Variants in MARCHF11 observed in about 807,000 individuals in gnomAD.
MARCHF11 encodes membrane associated ring-CH-type finger 11, also known as E3 ubiquitin-protein ligase MARCHF11.
In MARCHF11, 29 loss-of-function variants were observed where a neutral mutation model predicts 37.3. The observed-to-expected ratio is 0.78, with a 90% confidence interval of 0.58 to 1.06. The LOEUF (loss-of-function observed/expected upper bound fraction) is 1.06. Ranked by LOEUF, MARCHF11 falls within the 50% of genes least tolerant of loss-of-function variation. The pLI is 0.00. For synonymous variants in MARCHF11, 233 were observed against 228.0 expected, an observed-to-expected ratio of 1.02 and a Z score of -0.20; for missense variants, 482 against 533.4, an observed-to-expected ratio of 0.90 and a Z score of 0.95.
rs138954961 is a variant in MARCHF11 at position 16,069,385 on chromosome 5, T to C, written c.887-1592A>G. On this transcript the variant is annotated intron_variant, in intron 3 of 3. Coordinates refer to ENST00000332432, the MANE Select transcript of MARCHF11 (RefSeq NM_001102562.3). ...GAAGGAAAGAAACAAAATTGGGAAGTGGCTTCAAAGAGGGTTTCAACATTT... is the reference window on the plus strand; with the variant it reads ...GAAGGAAAGAAACAAAATTGGGAAGCGGCTTCAAAGAGGGTTTCAACATTT... Among the ~76,000 whole-genome samples, 445 of 152,212 alleles carry C rather than the reference T, an allele frequency of 2.9e-3. 1 individual carries two copies. The highest frequency in any genetic ancestry group is 9.9e-3 in the African/African-American group (413 of 41,554).
At chr5:16,160,386 TATA>T (rs1738054188) in intron 2 of MARCHF11, among the ~76,000 whole-genome samples, 1 of 145,366 alleles carries the variant, frequency 6.9e-6, no homozygotes, top group Non-Finnish European at 1.5e-5. Flanking sequence ...AATATAATAA[TATA>T]ATATATATTT....
chr5:16,125,307 C>T (rs116260634), intron 2 of MARCHF11, among the ~76,000 whole-genome samples: 1,986 of 142,202 alleles, frequency 0.014, 65 homozygotes, highest in African/African-American at 0.046. Flanking sequence ...ATTGGGAAAG[C>T]TGCTGTGGTA....
In MARCHF11 at chr5:16,157,593, G is replaced by A. The variant is rs143544074; in HGVS notation, c.693+20133C>T. Among the ~76,000 whole-genome samples the A allele has an allele frequency of 3.4e-3, 520 of 151,930 alleles. 8 individuals carry two copies. The highest frequency in any genetic ancestry group is 0.012 in the African/African-American group (499 of 41,464). On this transcript the variant is annotated intron_variant, in intron 2 of 3. Transcript: ENST00000332432. ...CAAGAACACACAATAGGGAAAGGAC[G>A]GTCTCTTCAATAAATGGTTTTGGGG...
chr5:16,095,292 C>T (rs933375372), intron 2 of MARCHF11, among the ~76,000 whole-genome samples: 4 of 152,084 alleles, frequency 2.6e-5, no homozygotes, highest in African/African-American at 9.7e-5. Context: ...GGGGAGATGT[C>T]CCTCTAAGCT....
chr5:16,098,705 T>C (rs1253913845), intron 2 of MARCHF11, among the ~76,000 whole-genome samples: 2 of 151,084 alleles, frequency 1.3e-5, no homozygotes, highest in Admixed American at 6.6e-5. Flanking sequence ...GAGGCAGAGG[T>C]TGCAGTGAGT....
At chr5:16,162,352 T>C (rs1046144935) in intron 2 of MARCHF11, among the ~76,000 whole-genome samples, 3 of 152,042 alleles carry the variant, frequency 2.0e-5, no homozygotes, top group East Asian at 3.9e-4. Flanking sequence ...GCTGTAAATA[T>C]TGACCTCTCC....
intron 2 of MARCHF11, among the ~76,000 whole-genome samples, chr5:16,144,898 A>G (rs563021054): frequency 6.6e-6 from 1 of 152,362 alleles, no homozygotes; most frequent in African/African-American, 2.4e-5. Flanking sequence ...CATGCCACAG[A>G]ACACCAGCAA....
At chr5:16,174,283 CA>C (rs1738320006) in intron 2 of MARCHF11, among the ~76,000 whole-genome samples, 1 of 152,188 alleles carries the variant, frequency 6.6e-6, no homozygotes, top group Non-Finnish European at 1.5e-5. Context: ...TAGATTCTGC[CA>C]GTAGATAGGA....
At chr5:16,162,945 C>G (rs79330409) in intron 2 of MARCHF11, among the ~76,000 whole-genome samples, 1 of 151,790 alleles carries the variant, frequency 6.6e-6, no homozygotes, top group African/African-American at 2.4e-5. Context: ...CATAGAGTAG[C>G]GTTGTTGCTT....
chr5:16,146,335 A>G (rs1019465884), intron 2 of MARCHF11, among the ~76,000 whole-genome samples: 3 of 152,222 alleles, frequency 2.0e-5, no homozygotes, highest in Non-Finnish European at 4.4e-5. Flanking sequence ...AGCTCCCACT[A>G]AAACCAAAAA....
intron 2 of MARCHF11, among the ~76,000 whole-genome samples, chr5:16,092,218 T>C (rs183497640): frequency 2.0e-5 from 3 of 152,310 alleles, no homozygotes; most frequent in African/African-American, 7.2e-5. Flanking sequence ...CTCTCTCTCA[T>C]ACACATACCA....
intron 3 of MARCHF11, among the ~76,000 whole-genome samples, chr5:16,078,427 C>T (rs1166377496): frequency 1.3e-5 from 2 of 152,040 alleles, no homozygotes; most frequent in Non-Finnish European, 2.9e-5. Flanking sequence ...AAATTCTTTA[C>T]TTGGAAGTGG....
chr5:16,081,432 T>A (rs758644312), intron 3 of MARCHF11, among the ~76,000 whole-genome samples: 13 of 148,288 alleles, frequency 8.8e-5, no homozygotes, highest in Non-Finnish European at 1.3e-4. Flanking sequence ...AATTTCCACA[T>A]GTCATGAAAT....
At chr5:16,177,653 A>G in intron 2 of MARCHF11, 73 bp downstream of exon 2, 1 of 1,252,354 alleles carries the variant, frequency 8.0e-7, no homozygotes, top group Non-Finnish European at 1.1e-6. Flanking sequence ...AAATATCCTT[A>G]GTAATAACTA....
At position 16,084,415 on chromosome 5, in the gene MARCHF11, G is replaced by A. The variant is rs575376493; in HGVS notation, c.886+6474C>T. Among the ~76,000 whole-genome samples the A allele has an allele frequency of 2.2e-4, 33 of 152,304 alleles. 1 individual carries two copies. The highest frequency in any genetic ancestry group is 1.8e-3 in the Admixed American group (28 of 15,300). ...CCCAGCACTTTGGGAGGCCGAGGCA[G>A]GCGGGTCACTTGAGGTCAGGAGTTG... On this transcript the variant is annotated intron_variant, in intron 3 of 3. Coordinates refer to ENST00000332432, the MANE Select transcript of MARCHF11 (RefSeq NM_001102562.3).
chr5:16,153,885 T>A (rs1172328503), intron 2 of MARCHF11, among the ~76,000 whole-genome samples: 2 of 151,922 alleles, frequency 1.3e-5, no homozygotes, highest in Non-Finnish European at 2.9e-5. Flanking sequence ...TTTCTAGACA[T>A]CTCTAAAGTG....
At position 16,085,231 on chromosome 5, in the gene MARCHF11, C is replaced by T. The variant is rs1736675589; in HGVS notation, c.886+5658G>A. On this transcript the variant is annotated intron_variant, in intron 3 of 3. Coordinates refer to ENST00000332432, the MANE Select transcript of MARCHF11 (RefSeq NM_001102562.3). ...TTTTTTTTTTAAAGTGATCCAAAAA[C>T]TCCTAAAGTGTGCTGAAGAAGGCAG... Among the ~76,000 whole-genome samples, 4 of 151,666 alleles carry T rather than the reference C, an allele frequency of 2.6e-5. 1 individual carries two copies. The South Asian group carries it at 8.3e-4, about 32-fold the overall frequency.
chr5:16,170,220 T>C lies in MARCHF11; in HGVS notation c.693+7506A>G, dbSNP rs149771077. Among the ~76,000 whole-genome samples the C allele has an allele frequency of 3.2e-3, 494 of 152,278 alleles. 3 individuals are homozygous for C. The highest frequency in any genetic ancestry group is 0.011 in the African/African-American group (463 of 41,568). ...ATACAGTAAAATTTCCAACAAATTA[T>C]TCAAATTCCCTGAACAAATGCTAGA... On this transcript the variant is annotated intron_variant, in intron 2 of 3. Coordinates refer to ENST00000332432, the MANE Select transcript of MARCHF11 (RefSeq NM_001102562.3).
At position 16,130,530 on chromosome 5, in the gene MARCHF11, TAGAG is replaced by T. The variant is rs1270362578; in HGVS notation, c.694-39453_694-39450del. Among the ~76,000 whole-genome samples the T allele has an allele frequency of 4.6e-5, 7 of 152,280 alleles. No homozygotes were observed. In the East Asian group the frequency reaches 5.8e-4, roughly 13 times the overall value. On this transcript the variant is annotated intron_variant, in intron 2 of 3. Transcript: ENST00000332432. ...ATAATTACTGCAGGGTGCTACTAAA[TAGAG>T]AGGATAAACTGTTCTTGGAAAAGAA...
Sources: allele counts gnomAD v4.1 joint callset (sites outside exome capture counted in the v4.1 genomes callset), GRCh38; gene constraint gnomAD v4.1.1; transcripts MANE v1.5; gene names NCBI Gene and HGNC (gene_info 2026-07-23, HGNC 2026-07-21).